NKAIN3: variants seen among roughly 807,000 people sequenced by gnomAD.
NKAIN3 encodes the protein sodium/potassium transporting ATPase interacting 3, also known as sodium/potassium-transporting ATPase subunit beta-1-interacting protein 3.
A neutral mutation model predicts 30.2 loss-of-function variants in NKAIN3; 25 were observed. The ratio of observed to expected loss-of-function variants is 0.83; its 90% CI spans 0.60 to 1.16. NKAIN3 has a LOEUF of 1.16. Ranked by LOEUF, NKAIN3 falls within the 50% of genes most tolerant of loss-of-function variation. The pLI, the probability that NKAIN3 is intolerant of heterozygous loss-of-function variation, is 0.00. For missense variants in NKAIN3, 225 were observed against 254.1 expected, an observed-to-expected ratio of 0.89 and a Z score of 0.78; for synonymous variants, 91 against 89.6, an observed-to-expected ratio of 1.02 and a Z score of -0.09.
intron 5 of NKAIN3, among the ~76,000 whole-genome samples, chr8:62,927,681 A>C (rs1822491667): frequency 6.6e-6 from 1 of 152,160 alleles, no homozygotes; most frequent in South Asian, 2.1e-4. Flanking sequence ...ATGCAGACAC[A>C]GGTAACCAAT....
At chr8:62,292,612 G>C (rs1270197566) in intron 1 of NKAIN3, among the ~76,000 whole-genome samples, 1 of 152,192 alleles carries the variant, frequency 6.6e-6, no homozygotes, top group Non-Finnish European at 1.5e-5. Context: ...TCCACCGTTA[G>C]TCTGATGGGC....
intron 4 of NKAIN3, among the ~76,000 whole-genome samples, chr8:62,805,762 A>T (rs1818257284): frequency 6.6e-6 from 1 of 152,212 alleles, no homozygotes. Flanking sequence ...CATGTCTAAA[A>T]CACCAAAAGC....
intron 1 of NKAIN3, among the ~76,000 whole-genome samples, chr8:62,400,556 A>G (rs556271892): frequency 1.1e-4 from 16 of 152,222 alleles, no homozygotes; most frequent in African/African-American, 3.6e-4. Context: ...AGCATTGACA[A>G]GGGGAGTGTC....
At chr8:62,681,667 G>A (rs933454880) in intron 3 of NKAIN3, among the ~76,000 whole-genome samples, 1 of 152,080 alleles carries the variant, frequency 6.6e-6, no homozygotes, top group Non-Finnish European at 1.5e-5. Context: ...TAATAAATAA[G>A]TTTATGTATA....
At chr8:62,303,730 G>A (rs1296227676) in intron 1 of NKAIN3, among the ~76,000 whole-genome samples, 2 of 150,498 alleles carry the variant, frequency 1.3e-5, no homozygotes, top group African/African-American at 2.5e-5. Flanking sequence ...TGTTGAGACT[G>A]TATAATTTAA....
chr8:62,686,578 T>G (rs564868233), intron 3 of NKAIN3, among the ~76,000 whole-genome samples: 11 of 151,880 alleles, frequency 7.2e-5, no homozygotes, highest in African/African-American at 1.9e-4. Flanking sequence ...AAATCTAGGG[T>G]TTTTTTTAAA....
chr8:62,753,233 C>CACGCAT (rs1491251424), intron 4 of NKAIN3, among the ~76,000 whole-genome samples: 5 of 149,808 alleles, frequency 3.3e-5, no homozygotes, highest in African/African-American at 1.0e-4. Flanking sequence ...CACACACACA[C>CACGCAT]GCACGCACGC....
intron 4 of NKAIN3, among the ~76,000 whole-genome samples, chr8:62,837,405 G>T (rs924733996): frequency 6.6e-6 from 1 of 152,194 alleles, no homozygotes; most frequent in African/African-American, 2.4e-5. Flanking sequence ...AGTTGGTATC[G>T]GGAAACACAA....
At chr8:62,398,607 G>A (rs1327954708) in intron 1 of NKAIN3, among the ~76,000 whole-genome samples, 1 of 152,184 alleles carries the variant, frequency 6.6e-6, no homozygotes. Context: ...CACGTTACAA[G>A]CCTCAATAGG....
intron 4 of NKAIN3, among the ~76,000 whole-genome samples, chr8:62,880,111 C>A (rs1201887443): frequency 6.6e-6 from 1 of 152,134 alleles, no homozygotes; most frequent in Non-Finnish European, 1.5e-5. Context: ...ATTTATAATT[C>A]ATTTAAACAT....
At chr8:62,348,918 G>T (rs1019237362) in intron 1 of NKAIN3, among the ~76,000 whole-genome samples, 2 of 152,110 alleles carry the variant, frequency 1.3e-5, no homozygotes, top group East Asian at 3.9e-4. Flanking sequence ...TGTCTTGCTC[G>T]TGCCTGACTT....
rs145798362 is a variant in NKAIN3, at chr8:62,740,844, G to A, written c.274-6088G>A. ...AAATGAAAGAGCTCAAACATTTAAT[G>A]TTTACTTAAATATATTTTAGGGAAA... On this transcript the variant is annotated intron_variant, in intron 3 of 6. Transcript: ENST00000623646. Among the ~76,000 whole-genome samples, 394 of 152,024 alleles carry A rather than the reference G, an allele frequency of 2.6e-3. 2 individuals carry two copies. Among genetic ancestry groups the A allele is most frequent in the African/African-American group, 9.0e-3 (372 of 41,498 alleles).
intron 3 of NKAIN3, among the ~76,000 whole-genome samples, chr8:62,738,217 G>A (rs1423902227): frequency 2.0e-5 from 3 of 152,142 alleles, no homozygotes; most frequent in Admixed American, 1.3e-4. Flanking sequence ...TCTAACTGGT[G>A]TGAGATGGTA....
intron 4 of NKAIN3, among the ~76,000 whole-genome samples, chr8:62,915,566 A>G (rs919480726): frequency 3.9e-5 from 6 of 152,164 alleles, no homozygotes; most frequent in African/African-American, 9.7e-5. Context: ...GTGTTGTTTT[A>G]AGTCACTAAG....
At chr8:62,515,369 T>C (rs1807952923) in intron 1 of NKAIN3, among the ~76,000 whole-genome samples, 8 of 152,158 alleles carry the variant, frequency 5.3e-5, no homozygotes, top group Admixed American at 5.2e-4. Flanking sequence ...TGCAGTTCCA[T>C]AGCATAAACC....
chr8:62,907,910 C>T (rs903192205), intron 4 of NKAIN3, among the ~76,000 whole-genome samples: 4 of 152,178 alleles, frequency 2.6e-5, no homozygotes, highest in Admixed American at 1.3e-4. Flanking sequence ...GGGGCAATGC[C>T]TAGTGGAGCT....
At chr8:62,651,355 A>G (rs534625937) in intron 3 of NKAIN3, among the ~76,000 whole-genome samples, 2 of 152,308 alleles carry the variant, frequency 1.3e-5, no homozygotes, top group Admixed American at 1.3e-4. Context: ...AAACAGGAAT[A>G]AAAAGATTCA....
At chr8:62,326,386 T>C (rs190602738) in intron 1 of NKAIN3, among the ~76,000 whole-genome samples, 21 of 146,236 alleles carry the variant, frequency 1.4e-4, no homozygotes, top group African/African-American at 5.5e-4. Context: ...TTGTTACTTA[T>C]GATTTTGTTA....
At chr8:62,880,031 C>T (rs1264422001) in intron 4 of NKAIN3, among the ~76,000 whole-genome samples, 5 of 152,112 alleles carry the variant, frequency 3.3e-5, no homozygotes, top group East Asian at 1.9e-4. Context: ...CAGCCTCCTC[C>T]GAGTAAGAGA....
Sources: allele counts gnomAD v4.1 joint callset (sites outside exome capture counted in the v4.1 genomes callset), GRCh38; gene constraint gnomAD v4.1.1; transcripts MANE v1.5; gene names NCBI Gene and HGNC (gene_info 2026-07-23, HGNC 2026-07-21).